Variants in MCPH1 observed in about 807,000 individuals in gnomAD.
MCPH1 encodes microcephalin 1, also known as microcephalin.
MCPH1 carries 104 observed loss-of-function variants against 84.5 expected under a neutral mutation model. The observed-to-expected ratio is 1.23, with a 90% CI of 1.05 to 1.45. The LOEUF (loss-of-function observed/expected upper bound fraction) is 1.45. Among genes scored for constraint, MCPH1 ranks in the 40% most tolerant of loss-of-function variants. The pLI, the probability that MCPH1 is intolerant of heterozygous loss-of-function variation, is 0.00. For synonymous variants in MCPH1, 514 were observed against 366.8 expected (o/e 1.40, Z -4.58); for missense variants, 1,498 against 1,005.7 (o/e 1.49, Z -6.62).
chr8:6,439,133 T>C (rs1392833888), intron 6 of MCPH1, 37 bp downstream of exon 6: 2 of 1,593,656 alleles, frequency 1.3e-6, no homozygotes, highest in Admixed American at 1.7e-5. Flanking sequence ...ATTATGCAAA[T>C]AGCCGATTCA....
chr8:6,443,589 C>G (rs1268328990), intron 7 of MCPH1, among the ~76,000 whole-genome samples: 2 of 152,232 alleles, frequency 1.3e-5, no homozygotes, highest in Non-Finnish European at 2.9e-5. Context: ...CTAGAGACTT[C>G]TTCATATTCA....
intron 13 of MCPH1, among the ~76,000 whole-genome samples, chr8:6,628,112 G>A (rs79588364): frequency 1.1e-3 from 168 of 152,124 alleles, no homozygotes; most frequent in Middle Eastern, 3.4e-3. Flanking sequence ...GGTCCCCGTC[G>A]TTAAACTTAT....
intron 12 of MCPH1, among the ~76,000 whole-genome samples, chr8:6,506,028 CAT>C (rs1381703403): frequency 7.2e-5 from 9 of 124,372 alleles, no homozygotes; most frequent in Admixed American, 6.3e-4. Context: ...TATATAAAAA[CAT>C]ATATATATTC....
intron 12 of MCPH1, among the ~76,000 whole-genome samples, chr8:6,604,237 A>G (rs1829584638): frequency 6.6e-6 from 1 of 152,088 alleles, no homozygotes; most frequent in South Asian, 2.1e-4. Context: ...CATCCCAGAC[A>G]CAGCTTCTCC....
intron 12 of MCPH1, among the ~76,000 whole-genome samples, chr8:6,529,113 G>T (rs1209021680): frequency 6.6e-6 from 1 of 152,170 alleles, no homozygotes; most frequent in South Asian, 2.1e-4. Context: ...AGTCATGATT[G>T]GCCCAGTAGT....
At chr8:6,619,602 T>C (rs1359336976) in intron 12 of MCPH1, among the ~76,000 whole-genome samples, 2 of 151,852 alleles carry the variant, frequency 1.3e-5, no homozygotes, top group Non-Finnish European at 2.9e-5. Context: ...TTTTTTTCTT[T>C]AGATAGAGTG....
At chr8:6,591,525 T>A (rs1828457414) in intron 12 of MCPH1, among the ~76,000 whole-genome samples, 1 of 152,172 alleles carries the variant, frequency 6.6e-6, no homozygotes, top group Non-Finnish European at 1.5e-5. Context: ...GTCCTCTAGG[T>A]TTTAAAATAC....
intron 8 of MCPH1, among the ~76,000 whole-genome samples, chr8:6,448,302 C>G (rs552107797): frequency 1.3e-5 from 2 of 152,154 alleles, no homozygotes; most frequent in African/African-American, 2.4e-5. Flanking sequence ...CTGGAGGTAA[C>G]AGCAGGAACA....
At chr8:6,572,357 C>T (rs1363594713) in intron 12 of MCPH1, among the ~76,000 whole-genome samples, 3 of 152,206 alleles carry the variant, frequency 2.0e-5, no homozygotes, top group Non-Finnish European at 2.9e-5. Context: ...AAAAATGGTA[C>T]CTATTTAAGA....
chr8:6,436,531 ACC>A (rs1802661663), intron 5 of MCPH1, among the ~76,000 whole-genome samples: 3 of 152,180 alleles, frequency 2.0e-5, no homozygotes, highest in South Asian at 4.1e-4. Flanking sequence ...TTGTTTTGTT[ACC>A]CTGAATAGGC....
chr8:6,604,217 T>G (rs1829582653), intron 12 of MCPH1, among the ~76,000 whole-genome samples: 1 of 150,956 alleles, frequency 6.6e-6, no homozygotes, highest in Non-Finnish European at 1.5e-5. Flanking sequence ...CCACAGCCCC[T>G]CCATGGAGCC....
chr8:6,579,686 T>G (rs1334746371), intron 12 of MCPH1, among the ~76,000 whole-genome samples: 1 of 152,148 alleles, frequency 6.6e-6, no homozygotes, highest in Non-Finnish European at 1.5e-5. Context: ...TTGCATATTA[T>G]ACTGAGAAAA....
intron 9 of MCPH1, among the ~76,000 whole-genome samples, chr8:6,474,910 C>T (rs1008351821): frequency 1.3e-5 from 2 of 152,178 alleles, no homozygotes; most frequent in African/African-American, 4.8e-5. Flanking sequence ...CCCAAATATT[C>T]AACTAGTCTC....
intron 12 of MCPH1, among the ~76,000 whole-genome samples, chr8:6,573,025 T>G (rs1293169613): frequency 6.6e-6 from 1 of 152,196 alleles, no homozygotes; most frequent in Non-Finnish European, 1.5e-5. Flanking sequence ...GAAAATTGCC[T>G]GTGCACTTAA....
intron 12 of MCPH1, among the ~76,000 whole-genome samples, chr8:6,612,408 T>C (rs1295068510): frequency 6.6e-6 from 1 of 152,168 alleles, no homozygotes; most frequent in East Asian, 1.9e-4. Flanking sequence ...TTCATCCTTC[T>C]CCACGTGCCG....
chr8:6,578,071 C>T (rs1014517038), intron 12 of MCPH1, among the ~76,000 whole-genome samples: 2 of 152,188 alleles, frequency 1.3e-5, no homozygotes, highest in African/African-American at 4.8e-5. Flanking sequence ...CTCAGTAGAT[C>T]AGACGTGTTC....
chr8:6,426,485 T>G (rs1198195765), intron 3 of MCPH1, among the ~76,000 whole-genome samples: 2 of 152,248 alleles, frequency 1.3e-5, no homozygotes, highest in African/African-American at 4.8e-5. Context: ...AAGGTGATGT[T>G]TTTGCGATCT....
At chr8:6,532,233 T>G (rs1484638827) in intron 12 of MCPH1, 2 of 1,375,470 alleles carry the variant, frequency 1.5e-6, no homozygotes, top group East Asian at 2.3e-5. Context: ...GGTGGTGCTT[T>G]CTTTAGTTTC....
chr8:6,520,071 G>C, intron 12 of MCPH1: 1 of 1,532,338 alleles, frequency 6.5e-7, no homozygotes. Flanking sequence ...CCAATCATTT[G>C]GTGAGTTTTA....
Sources: allele counts gnomAD v4.1 joint callset (sites outside exome capture counted in the v4.1 genomes callset), GRCh38; gene constraint gnomAD v4.1.1; transcripts MANE v1.5; gene names NCBI Gene and HGNC (gene_info 2026-07-23, HGNC 2026-07-21).